Variants in LMBRD1 observed in about 807,000 individuals in gnomAD.
The protein encoded by LMBRD1 is LMBR1 domain containing 1.
Under a neutral mutation model 74.8 loss-of-function variants are expected in LMBRD1, and 64 were observed. The observed-to-expected ratio is 0.86, with a 90% CI of 0.70 to 1.05. The LOEUF (loss-of-function observed/expected upper bound fraction) is 1.05. Ranked by LOEUF, LMBRD1 falls within the 50% of genes least tolerant of loss-of-function variation. LMBRD1 has a pLI of 0.00. For synonymous variants in LMBRD1, 204 were observed against 216.3 expected (o/e 0.94, Z 0.50); for missense variants, 652 against 645.9 (o/e 1.01, Z -0.10).
chr6:69,761,602 C>T (rs1033010880), intron 3 of LMBRD1, among the ~76,000 whole-genome samples: 4 of 152,192 alleles, frequency 2.6e-5, no homozygotes, highest in Non-Finnish European at 4.4e-5. Flanking sequence ...ATAATCTTCA[C>T]TTACATTAGC....
At chr6:69,701,359 G>A (rs1766125667) in intron 11 of LMBRD1, 84 bp downstream of exon 11, 1 of 776,232 alleles carries the variant, frequency 1.3e-6, no homozygotes, top group South Asian at 1.5e-5. Context: ...AATTTTATGT[G>A]CAACAGGATG....
chr6:69,681,696 C>T (rs4707289), intron 14 of LMBRD1, among the ~76,000 whole-genome samples: 54,604 of 151,472 alleles, frequency 0.36, 10,426 homozygotes, highest in East Asian at 0.54. Context: ...ATTTATTTGA[C>T]TAGTGACCAA....
intron 3 of LMBRD1, 87 bp downstream of exon 3, chr6:69,780,407 G>A: frequency 1.0e-6 from 1 of 990,070 alleles, no homozygotes; most frequent in Middle Eastern, 2.1e-4. Context: ...GACCCAAGAG[G>A]AAGAACCTGG....
intron 2 of LMBRD1, among the ~76,000 whole-genome samples, chr6:69,788,174 GGTTT>G (rs1379465954): frequency 4.3e-4 from 65 of 152,036 alleles, no homozygotes; most frequent in African/African-American, 1.4e-3. Context: ...ACAATGTGCA[GGTTT>G]GTTACATATG....
intron 9 of LMBRD1, among the ~76,000 whole-genome samples, chr6:69,708,106 A>T (rs1462615474): frequency 1.3e-5 from 2 of 152,178 alleles, no homozygotes; most frequent in African/African-American, 2.4e-5. Context: ...AATGATCTAG[A>T]AGTTACCCAG....
chr6:69,769,237 C>A (rs1241125734), intron 3 of LMBRD1, among the ~76,000 whole-genome samples: 1 of 152,130 alleles, frequency 6.6e-6, no homozygotes, highest in Non-Finnish European at 1.5e-5. Flanking sequence ...GATCATCTAC[C>A]TTTGAAATTC....
chr6:69,788,084 A>C (rs1198690983), intron 2 of LMBRD1, among the ~76,000 whole-genome samples: 3 of 152,016 alleles, frequency 2.0e-5, no homozygotes, highest in Non-Finnish European at 4.4e-5. Context: ...AACAATACTT[A>C]ATCTAATAGA....
At position 69,674,802 on chromosome 6, in the gene LMBRD1, A is replaced by C. The variant is rs1476098021; in HGVS notation, c.*1356T>G. On this transcript the variant is annotated 3_prime_UTR_variant, in exon 16 of 16. Transcript: ENST00000649934. ...AGCCTGGCCAAGATGGTGAAACCCCATCTCTGCTAAAAATACAAAAACTAG... is the reference window on the plus strand; with the variant it reads ...AGCCTGGCCAAGATGGTGAAACCCCCTCTCTGCTAAAAATACAAAAACTAG... 6.6e-6 allele frequency among the ~76,000 whole-genome samples: 1 copy of C among 151,972 alleles called. No individual in the cohort carries two copies. Among genetic ancestry groups the C allele is most frequent in the Non-Finnish European group, 1.5e-5 (1 of 67,976 alleles).
intron 1 of LMBRD1, 50 bp from the exon 2 acceptor site, chr6:69,790,522 T>C (rs937053627): frequency 2.5e-6 from 4 of 1,569,378 alleles, no homozygotes; most frequent in African/African-American, 1.4e-5. Context: ...GTATTTTCTC[T>C]GATTTTTGTA....
chr6:69,778,843 G>A (rs2149892223), intron 3 of LMBRD1, among the ~76,000 whole-genome samples: 1 of 152,012 alleles, frequency 6.6e-6, no homozygotes, highest in South Asian at 2.1e-4. Flanking sequence ...ATTTCATGGG[G>A]CCTACAGATT....
intron 14 of LMBRD1, among the ~76,000 whole-genome samples, chr6:69,694,591 C>A (rs905354570): frequency 2.6e-5 from 4 of 151,934 alleles, no homozygotes; most frequent in African/African-American, 9.7e-5. Flanking sequence ...GATTTTAATC[C>A]TTTCTCTCAG....
chr6:69,753,767 C>A (rs1467806892), intron 3 of LMBRD1, among the ~76,000 whole-genome samples: 3 of 151,936 alleles, frequency 2.0e-5, no homozygotes, highest in Non-Finnish European at 2.9e-5. Context: ...GGTGAAACCC[C>A]GTCTCTACTA....
At chr6:69,737,690 T>G (rs1767005990) in intron 7 of LMBRD1, among the ~76,000 whole-genome samples, 1 of 151,382 alleles carries the variant, frequency 6.6e-6, no homozygotes, top group South Asian at 2.1e-4. Context: ...TAAGCATAGA[T>G]TATTATAACA....
intron 2 of LMBRD1, among the ~76,000 whole-genome samples, chr6:69,784,075 C>T (rs1315517994): frequency 6.6e-6 from 1 of 152,156 alleles, no homozygotes; most frequent in Non-Finnish European, 1.5e-5. Context: ...ACTCTCTTGC[C>T]TCCAAGATAC....
intron 7 of LMBRD1, among the ~76,000 whole-genome samples, chr6:69,727,430 T>C (rs944617622): frequency 1.3e-5 from 2 of 152,222 alleles, no homozygotes; most frequent in South Asian, 2.1e-4. Context: ...GATTTTCAGA[T>C]TAGGGAGGGA....
At position 69,690,071 on chromosome 6, in the gene LMBRD1, T is replaced by G. The variant is rs542755377; in HGVS notation, c.1417+7492A>C. ...TTCACTCATTCATTCATTTTTTTTT[T>G]TTTTAAACTAGTTCTTGTCCTCTGC... On this transcript the variant is annotated intron_variant, in intron 14 of 15. Coordinates refer to ENST00000649934, the MANE Select transcript of LMBRD1 (RefSeq NM_018368.4). Among the ~76,000 whole-genome samples the G allele has an allele frequency of 3.9e-5, 6 of 152,192 alleles. No homozygotes were observed. In the South Asian group the frequency reaches 8.3e-4, roughly 21 times the overall value.
At chr6:69,741,448 G>A (rs560729257) in intron 6 of LMBRD1, among the ~76,000 whole-genome samples, 70 of 113,458 alleles carry the variant, frequency 6.2e-4, no homozygotes, top group African/African-American at 2.5e-3. Context: ...ATGCAATGGC[G>A]CAATTCAGCT....
chr6:69,721,927 C>T lies in LMBRD1; in HGVS notation c.637-2846G>A, dbSNP rs1766624491. 2.6e-5 allele frequency among the ~76,000 whole-genome samples: 4 copies of T among 152,086 alleles called. 1 individual carries two copies. Among genetic ancestry groups the T allele is most frequent in the Admixed American group, 2.6e-4 (4 of 15,256 alleles). On this transcript the variant is annotated intron_variant, in intron 7 of 15. Coordinates refer to ENST00000649934, the MANE Select transcript of LMBRD1 (RefSeq NM_018368.4). Reference sequence around the variant, plus strand: ...GAACATTAGCAGTGGCCTGGTGGAACCCCATGGAACAGTGTCGATGGTGGC... The same window carrying T: ...GAACATTAGCAGTGGCCTGGTGGAATCCCATGGAACAGTGTCGATGGTGGC...
At chr6:69,791,556 A>G (rs985821962) in intron 1 of LMBRD1, among the ~76,000 whole-genome samples, 1 of 152,212 alleles carries the variant, frequency 6.6e-6, no homozygotes, top group Non-Finnish European at 1.5e-5. Context: ...ATTGTTCTAA[A>G]TAAGAGCTCT....
Sources: gnomAD v4.1 joint callset for allele counts (sites outside exome capture counted in the v4.1 genomes callset) on GRCh38, gnomAD v4.1.1 for gene constraint, MANE v1.5 for transcripts, NCBI Gene and HGNC (gene_info 2026-07-23, HGNC 2026-07-21) for gene names.